The following PTPRN2 variants were observed in gnomAD, a reference collection of about 807,000 sequenced individuals.
PTPRN2 encodes the protein receptor-type tyrosine-protein phosphatase N2.
In PTPRN2, 74 loss-of-function variants were observed where a neutral mutation model predicts 118.8. The observed-to-expected ratio is 0.62, with a 90% CI of 0.52 to 0.76. The LOEUF (loss-of-function observed/expected upper bound fraction) is 0.76, where lower values mean the gene tolerates loss of function less well. PTPRN2 is among the 30% of genes least tolerant of loss of function. PTPRN2 has a pLI of 0.00. For synonymous variants in PTPRN2, 641 were observed against 608.0 expected (o/e 1.05, Z -0.80); for missense variants, 1,481 against 1,394.4 (o/e 1.06, Z -0.99).
At chr7:157,684,259 C>T (rs960269502) in intron 12 of PTPRN2, among the ~76,000 whole-genome samples, 1 of 151,876 alleles carries the variant, frequency 6.6e-6, no homozygotes, top group African/African-American at 2.4e-5. Flanking sequence ...TGAGAAAAGA[C>T]GCCCGGATTT....
intron 3 of PTPRN2, among the ~76,000 whole-genome samples, chr7:158,258,451 C>T (rs1208720303): frequency 4.6e-5 from 7 of 152,356 alleles, no homozygotes; most frequent in South Asian, 4.1e-4. Flanking sequence ...CGCCGCGAGA[C>T]GACCCTGTGA....
intron 5 of PTPRN2, among the ~76,000 whole-genome samples, chr7:158,174,765 T>G (rs1476788151): frequency 6.6e-6 from 1 of 152,184 alleles, no homozygotes; most frequent in Non-Finnish European, 1.5e-5. Context: ...GTGATTCTCT[T>G]CAGCTGGAGG....
Position 157,679,769 on chromosome 7 carries a change from G to A in PTPRN2, c.2001+2956C>T, listed in dbSNP as rs146335096. On this transcript the variant is annotated intron_variant, in intron 13 of 22. Transcript: ENST00000389418. ...GTGCGTGCATTATCAGGGCTGAGGC[G>A]GACAAATGCTTTAGCAGAGGTTGGC... 1.7e-4 allele frequency among the ~76,000 whole-genome samples: 26 copies of A among 152,246 alleles called. No individual in the cohort carries two copies. In the East Asian group the frequency reaches 3.7e-3, roughly 21 times the overall value.
intron 3 of PTPRN2, among the ~76,000 whole-genome samples, chr7:158,292,336 A>C (rs1161294220): frequency 6.6e-6 from 1 of 152,234 alleles, no homozygotes; most frequent in East Asian, 1.9e-4. Flanking sequence ...CTTTTCCATT[A>C]ACACTAAAGA....
chr7:158,247,376 T>C (rs1796325677), intron 3 of PTPRN2, among the ~76,000 whole-genome samples: 1 of 152,134 alleles, frequency 6.6e-6, no homozygotes, highest in African/African-American at 2.4e-5. Context: ...CTCTTGACCG[T>C]GTCTGCGTGT....
intron 12 of PTPRN2, among the ~76,000 whole-genome samples, chr7:157,853,751 G>A (rs974662005): frequency 6.6e-6 from 1 of 152,162 alleles, no homozygotes; most frequent in South Asian, 2.1e-4. Context: ...CCGTGTTTTG[G>A]GATGAATTGA....
intron 12 of PTPRN2, among the ~76,000 whole-genome samples, chr7:157,872,124 C>CGCAT (rs1811102416): frequency 7.7e-6 from 1 of 129,236 alleles, no homozygotes; most frequent in African/African-American, 3.0e-5. Context: ...TCCCCACACA[C>CGCAT]ACCCAGTGTC....
chr7:157,690,887 TG>T lies in PTPRN2; in HGVS notation c.1789-7951del, dbSNP rs1797448434. 6.9e-6 allele frequency among the ~76,000 whole-genome samples: 1 copy of T among 145,266 alleles called. No homozygotes were observed. Among genetic ancestry groups the T allele is most frequent in the South Asian group, 2.1e-4 (1 of 4,752 alleles). ...GGCCCGGCCCCCGGGCTAGGCACGC[TG>T]GGCCGGGGCGCGGCGCGGGCGGGCT... is the stretch of plus-strand genomic sequence containing the variant. On this transcript the variant is annotated intron_variant, in intron 12 of 22. Coordinates refer to ENST00000389418, the MANE Select transcript of PTPRN2 (RefSeq NM_002847.5). This position sits in a 1 kb window ranked among gnomAD's most constrained non-coding sequence, Gnocchi z 7.1.
intron 2 of PTPRN2, among the ~76,000 whole-genome samples, chr7:158,367,087 G>C (rs1306062695): frequency 6.6e-6 from 1 of 152,212 alleles, no homozygotes; most frequent in African/African-American, 2.4e-5. Flanking sequence ...CACCTGGAAT[G>C]AGAGACAAGC....
intron 12 of PTPRN2, among the ~76,000 whole-genome samples, chr7:157,754,349 T>C (rs575482377): frequency 7.4e-4 from 112 of 152,372 alleles, no homozygotes; most frequent in Admixed American, 1.6e-3. Context: ...GCAGTGGCAG[T>C]GCTCTGAGCT....
intron 3 of PTPRN2, among the ~76,000 whole-genome samples, chr7:158,243,469 C>T (rs1796009234): frequency 6.6e-6 from 1 of 152,214 alleles, no homozygotes; most frequent in Non-Finnish European, 1.5e-5. Flanking sequence ...TGTCTGGTTT[C>T]ATGAGAAGAA....
intron 3 of PTPRN2, among the ~76,000 whole-genome samples, chr7:158,313,776 A>G (rs184994002): frequency 1.3e-5 from 2 of 152,352 alleles, no homozygotes; most frequent in Non-Finnish European, 2.9e-5. Context: ...ATTTGGTTAG[A>G]TTATTGTCAT....
intron 5 of PTPRN2, among the ~76,000 whole-genome samples, chr7:158,170,613 G>A (rs1387783475): frequency 6.6e-6 from 1 of 152,202 alleles, no homozygotes; most frequent in African/African-American, 2.4e-5. Flanking sequence ...ATCGGTTTTT[G>A]CAAGCCACTC....
intron 12 of PTPRN2, among the ~76,000 whole-genome samples, chr7:157,805,235 G>C (rs2109301): frequency 0.12 from 17,671 of 152,118 alleles, 1,230 homozygotes; most frequent in Non-Finnish European, 0.15. Flanking sequence ...TTTGAAAGGT[G>C]TTTTAAAAGG....
At chr7:158,380,662 G>A (rs368535009) in intron 2 of PTPRN2, among the ~76,000 whole-genome samples, 153 of 152,326 alleles carry the variant, frequency 1.0e-3, no homozygotes, top group African/African-American at 3.3e-3. Context: ...CTGGAGGACC[G>A]TGGCCCTCTT....
intron 20 of PTPRN2, 50 bp from the exon 21 acceptor site, chr7:157,569,016 C>G: frequency 6.7e-7 from 1 of 1,487,240 alleles, no homozygotes; most frequent in East Asian, 2.3e-5. Flanking sequence ...CACGGAAGCC[C>G]GACCCACAAC....
At chr7:157,948,776 T>C (rs1800635835) in intron 11 of PTPRN2, among the ~76,000 whole-genome samples, 1 of 152,216 alleles carries the variant, frequency 6.6e-6, no homozygotes, top group Admixed American at 6.5e-5. Flanking sequence ...ATGTTCAAAA[T>C]AAATGCCCAT....
intron 5 of PTPRN2, among the ~76,000 whole-genome samples, chr7:158,172,287 A>C (rs1823769646): frequency 6.6e-6 from 1 of 152,204 alleles, no homozygotes; most frequent in African/African-American, 2.4e-5. Flanking sequence ...TGTTTTCTTT[A>C]AAAGCCACTG....
chr7:157,847,627 C>G (rs1220190425), intron 12 of PTPRN2, among the ~76,000 whole-genome samples: 1 of 150,692 alleles, frequency 6.6e-6, no homozygotes, highest in East Asian at 2.0e-4. Context: ...CTCACTCCAT[C>G]ATGTGTGCCC....
Sources: allele counts gnomAD v4.1 joint callset (sites outside exome capture counted in the v4.1 genomes callset), GRCh38; gene constraint gnomAD v4.1.1; non-coding constraint Gnocchi (gnomAD v3.1); transcripts MANE v1.5; gene names NCBI Gene and HGNC (gene_info 2026-07-23, HGNC 2026-07-21).